IGF1R: variants seen among roughly 807,000 people sequenced by gnomAD.
IGF1R encodes insulin like growth factor 1 receptor, also known as insulin-like growth factor 1 receptor.
Under a neutral mutation model 144.6 loss-of-function variants are expected in IGF1R, and 44 were observed. That is an observed-to-expected ratio of 0.30 (90% CI 0.24 to 0.39). The LOEUF (loss-of-function observed/expected upper bound fraction) is 0.39, where lower values mean the gene tolerates loss of function less well. Among genes scored for constraint, IGF1R ranks in the 10% least tolerant of loss-of-function variants. The pLI, the probability that IGF1R is intolerant of heterozygous loss-of-function variation, is 1.00. For synonymous variants in IGF1R, 795 were observed against 722.8 expected, an observed-to-expected ratio of 1.10 and a Z score of -1.60; for missense variants, 1,355 against 1,833.7, an observed-to-expected ratio of 0.74 and a Z score of 4.77.
intron 2 of IGF1R, among the ~76,000 whole-genome samples, chr15:98,774,839 G>A (rs769269148): frequency 9.2e-5 from 14 of 152,168 alleles, no homozygotes; most frequent in Non-Finnish European, 1.8e-4. Context: ...TGGTTAAAAC[G>A]GTACATTTTG....
chr15:98,772,561 A>G (rs1285463626), intron 2 of IGF1R, among the ~76,000 whole-genome samples: 1 of 150,880 alleles, frequency 6.6e-6, no homozygotes, highest in African/African-American at 2.4e-5. Context: ...CAGTGGCACA[A>G]TCATAGCTCA....
At chr15:98,793,994 T>G (rs2056183881) in intron 2 of IGF1R, among the ~76,000 whole-genome samples, 1 of 152,174 alleles carries the variant, frequency 6.6e-6, no homozygotes, top group Non-Finnish European at 1.5e-5. Flanking sequence ...GGGGGCACAG[T>G]GGCGAAGCGC....
intron 2 of IGF1R, among the ~76,000 whole-genome samples, chr15:98,749,884 A>G (rs2054964042): frequency 2.2e-5 from 2 of 90,264 alleles, no homozygotes; most frequent in Admixed American, 1.3e-4. Flanking sequence ...AAATATTTTT[A>G]GGCTTTTTTT....
rs1021320525 is a variant in IGF1R, at chr15:98,676,429, C to T, written c.94+26754C>T. Among the ~76,000 whole-genome samples, 106 of 152,196 alleles carry T rather than the reference C, an allele frequency of 7.0e-4. 6 individuals carry two copies. The highest frequency in any genetic ancestry group is 2.9e-5 in the Non-Finnish European group (2 of 68,036). On this transcript the variant is annotated intron_variant, in intron 1 of 20. Coordinates refer to ENST00000650285, the MANE Select transcript of IGF1R (RefSeq NM_000875.5). ...AGGATTACAGGCGTGAGCCACCGCT[C>T]CTGGCCGAGACTCTATTTTAAAGCT...
chr15:98,813,605 A>T (rs1330067228), intron 2 of IGF1R, among the ~76,000 whole-genome samples: 5 of 152,230 alleles, frequency 3.3e-5, no homozygotes, highest in Non-Finnish European at 7.3e-5. Flanking sequence ...ACTGTGAGTA[A>T]CAGACTTTTT....
intron 18 of IGF1R, among the ~76,000 whole-genome samples, 162 bp downstream of exon 18, chr15:98,939,522 C>T (rs531063193): frequency 6.6e-6 from 1 of 152,312 alleles, no homozygotes; most frequent in South Asian, 2.1e-4. Flanking sequence ...TGGTCACAAA[C>T]CTGGCACGGT....
intron 2 of IGF1R, among the ~76,000 whole-genome samples, chr15:98,837,010 T>A (rs1023632350): frequency 5.9e-5 from 9 of 152,244 alleles, no homozygotes; most frequent in African/African-American, 2.2e-4. Context: ...AGTGTAAATT[T>A]TCTGCTTTTC....
chr15:98,878,484 C>T (rs2013173528), intron 2 of IGF1R, among the ~76,000 whole-genome samples: 1 of 151,980 alleles, frequency 6.6e-6, no homozygotes, highest in Non-Finnish European at 1.5e-5. Context: ...CTTGAAGTAA[C>T]TTTTAAGTGT....
chr15:98,720,666 G>A (rs1245541950), intron 2 of IGF1R, among the ~76,000 whole-genome samples: 1 of 152,188 alleles, frequency 6.6e-6, no homozygotes, highest in Non-Finnish European at 1.5e-5. Flanking sequence ...AAGTGGTTAG[G>A]GAAGGAGTTG....
rs550606831 is a variant in IGF1R, at chr15:98,809,173, G to A, written c.641-82152G>A. On this transcript the variant is annotated intron_variant, in intron 2 of 20. Coordinates refer to ENST00000650285, the MANE Select transcript of IGF1R (RefSeq NM_000875.5). ...TTTGACACTCCGGGGGCACCCTGCC[G>A]TGACCCTGACTCTTTCCTGCATGTA... Among the ~76,000 whole-genome samples, 23 of 152,326 alleles carry A rather than the reference G, an allele frequency of 1.5e-4. No individual in the cohort carries two copies. The Middle Eastern group carries it at 0.014, about 90-fold the overall frequency.
chr15:98,782,604 T>C (rs1326841814), intron 2 of IGF1R, among the ~76,000 whole-genome samples: 2 of 152,238 alleles, frequency 1.3e-5, no homozygotes, highest in African/African-American at 2.4e-5. Context: ...TTATGCATTT[T>C]TAACCATTGC....
chr15:98,795,649 C>G (rs2056224731), intron 2 of IGF1R, among the ~76,000 whole-genome samples: 2 of 152,158 alleles, frequency 1.3e-5, no homozygotes, highest in Non-Finnish European at 2.9e-5. Context: ...ATCTCCTGAC[C>G]TCGTGATCCA....
At chr15:98,748,495 T>TTA (rs1219150767) in intron 2 of IGF1R, among the ~76,000 whole-genome samples, 1 of 152,194 alleles carries the variant, frequency 6.6e-6, no homozygotes, top group Non-Finnish European at 1.5e-5. Flanking sequence ...TTCACACCTT[T>TTA]TAATTTCTTT....
At chr15:98,905,103 C>G (rs1193361524) in intron 5 of IGF1R, among the ~76,000 whole-genome samples, 1 of 152,164 alleles carries the variant, frequency 6.6e-6, no homozygotes, top group Non-Finnish European at 1.5e-5. Flanking sequence ...GAGGCTCAGA[C>G]CTGACCTTTG....
At chr15:98,875,384 G>C (rs2013012515) in intron 2 of IGF1R, among the ~76,000 whole-genome samples, 1 of 139,196 alleles carries the variant, frequency 7.2e-6, no homozygotes, top group Non-Finnish European at 1.5e-5. Flanking sequence ...TGGCCAGTTT[G>C]GGTTTTTACG....
At chr15:98,700,027 C>T (rs1442966799) in intron 1 of IGF1R, among the ~76,000 whole-genome samples, 1 of 152,210 alleles carries the variant, frequency 6.6e-6, no homozygotes, top group Admixed American at 6.5e-5. Context: ...AAGGGCTTAA[C>T]ATGAATTGTG....
intron 2 of IGF1R, among the ~76,000 whole-genome samples, chr15:98,728,950 C>G (rs752517838): frequency 6.6e-6 from 1 of 152,232 alleles, no homozygotes; most frequent in Non-Finnish European, 1.5e-5. Flanking sequence ...AGCTACACGA[C>G]TGTGGACACT....
intron 2 of IGF1R, among the ~76,000 whole-genome samples, chr15:98,842,705 T>C (rs2141534730): frequency 6.6e-6 from 1 of 152,350 alleles, no homozygotes; most frequent in East Asian, 1.9e-4. Flanking sequence ...TCTAGGCCAG[T>C]GTGCATATGT....
chr15:98,744,512 GATGGCAGCCAGGGAGGAGCAGAGGTGGA>G (rs1199043268), intron 2 of IGF1R, among the ~76,000 whole-genome samples: 1 of 152,064 alleles, frequency 6.6e-6, no homozygotes, highest in African/African-American at 2.4e-5. Context: ...GGGGAGGTGG[GATGGCAGCCAGGGAGGAGCAGAGGTGGA>G]ATGTGGATCT....
Sources: gnomAD v4.1 joint callset for allele counts (sites outside exome capture counted in the v4.1 genomes callset) on GRCh38, gnomAD v4.1.1 for gene constraint, MANE v1.5 for transcripts, NCBI Gene and HGNC (gene_info 2026-07-23, HGNC 2026-07-21) for gene names.